The following EFCAB7 variants were observed in gnomAD, a reference collection of about 807,000 sequenced individuals.
EFCAB7 encodes the protein EF-hand calcium binding domain 7.
EFCAB7 carries 66 observed loss-of-function variants against 77.1 expected under a neutral mutation model. The ratio of observed to expected loss-of-function variants is 0.86; its 90% CI spans 0.70 to 1.05. The LOEUF (loss-of-function observed/expected upper bound fraction) is 1.05. EFCAB7 is among the 50% of genes least tolerant of loss of function. The probability of loss-of-function intolerance (pLI) is 0.00; values close to 1 mark genes in which losing one functional copy is unlikely to be tolerated. For missense variants in EFCAB7, 638 were observed against 730.5 expected, an observed-to-expected ratio of 0.87 and a Z score of 1.46; for synonymous variants, 225 against 243.3, an observed-to-expected ratio of 0.92 and a Z score of 0.70.
rs189995497 is a variant in EFCAB7 at position 63,564,765 on chromosome 1, G to A, written c.1497+2908G>A. Among the ~76,000 whole-genome samples, 583 of 152,124 alleles carry A rather than the reference G, an allele frequency of 3.8e-3. 3 individuals are homozygous for A. Among genetic ancestry groups the A allele is most frequent in the African/African-American group, 0.013 (533 of 41,512 alleles). ...GCCCGAATAGCCAAGGCAATCCTAC[G>A]CAAAAAGAACAAAGCTGGAGGCATC... On this transcript the variant is annotated intron_variant, in intron 11 of 13. Transcript: ENST00000371088.
intron 8 of EFCAB7, among the ~76,000 whole-genome samples, chr1:63,553,104 T>A (rs1284507563): frequency 6.6e-6 from 1 of 152,254 alleles, no homozygotes; most frequent in Non-Finnish European, 1.5e-5. Flanking sequence ...GGATTTTTTA[T>A]TTGTATTTAT....
At chr1:63,575,259 ATATT>A (rs1163386620), downstream of EFCAB7, among the ~76,000 whole-genome samples, 4 of 152,036 alleles carry the variant, frequency 2.6e-5, no homozygotes, top group Non-Finnish European at 5.9e-5. Flanking sequence ...TTAAATTACT[ATATT>A]TAGTAATTTT....
intron 6 of EFCAB7, among the ~76,000 whole-genome samples, chr1:63,542,889 T>A (rs1178837868): frequency 6.6e-6 from 1 of 152,202 alleles, no homozygotes. Context: ...TTGCAAATAA[T>A]TTCTCCCATT....
intron 7 of EFCAB7, 75 bp downstream of exon 7, chr1:63,546,132 A>G: frequency 6.8e-7 from 1 of 1,473,274 alleles, no homozygotes. Context: ...TAAGTATTCC[A>G]TAGTCCTAGT....
At chr1:63,524,889 T>C (rs1646556845) in intron 1 of EFCAB7, among the ~76,000 whole-genome samples, 1 of 152,198 alleles carries the variant, frequency 6.6e-6, no homozygotes, top group East Asian at 1.9e-4. Flanking sequence ...AGAGGTGCTA[T>C]ACAAACCCCA....
intron 4 of EFCAB7, 41 bp downstream of exon 4, chr1:63,532,797 G>A: frequency 6.7e-7 from 1 of 1,503,528 alleles, no homozygotes; most frequent in Non-Finnish European, 9.1e-7. Flanking sequence ...ATACTGTGTT[G>A]GAAAAGTGTT....
chr1:63,552,115 G>GA (rs1646973060), intron 8 of EFCAB7, among the ~76,000 whole-genome samples: 1 of 151,996 alleles, frequency 6.6e-6, no homozygotes, highest in Admixed American at 6.6e-5. Context: ...TGCTACTTGG[G>GA]AAACTGAAGC....
chr1:63,575,899 TA>T (rs1332802071), downstream of EFCAB7, among the ~76,000 whole-genome samples: 2 of 152,166 alleles, frequency 1.3e-5, no homozygotes, highest in African/African-American at 2.4e-5. Flanking sequence ...CACCCATTCT[TA>T]TTAGAGAACA....
chr1:63,526,283 A>G (rs1362331169), intron 2 of EFCAB7, among the ~76,000 whole-genome samples: 5 of 152,224 alleles, frequency 3.3e-5, no homozygotes, highest in Middle Eastern at 3.4e-3. Flanking sequence ...TCCTCTCATT[A>G]CAAAGGTCCC....
intron 10 of EFCAB7, among the ~76,000 whole-genome samples, chr1:63,561,347 T>C (rs1369716917): frequency 6.6e-6 from 1 of 152,182 alleles, no homozygotes; most frequent in Non-Finnish European, 1.5e-5. Context: ...CAAATACATA[T>C]GAAGCATTTT....
intron 6 of EFCAB7, among the ~76,000 whole-genome samples, chr1:63,543,576 A>G (rs1646855527): frequency 6.6e-6 from 1 of 152,246 alleles, no homozygotes; most frequent in African/African-American, 2.4e-5. Context: ...TAATTGTGAC[A>G]TAAAATAGAA....
At chr1:63,530,393 G>T (rs576727378) in intron 2 of EFCAB7, among the ~76,000 whole-genome samples, 2 of 152,234 alleles carry the variant, frequency 1.3e-5, no homozygotes, top group South Asian at 4.1e-4. Flanking sequence ...TTAAAATTAT[G>T]TTAATTCCTT....
At chr1:63,554,763 G>A (rs1021035692) in intron 8 of EFCAB7, among the ~76,000 whole-genome samples, 4 of 152,174 alleles carry the variant, frequency 2.6e-5, no homozygotes, top group African/African-American at 9.7e-5. Context: ...TTGGGATTCT[G>A]TGTCTTATTT....
rs1323167487 is a variant in EFCAB7 at position 63,561,746 on chromosome 1, A to G, written c.1386A>G (p.Gln462=). Residue 462 remains glutamine (Q), a synonymous_variant, in exon 11 of 14, where the codon CAA becomes CAG. Coordinates refer to ENST00000371088, the MANE Select transcript of EFCAB7 (RefSeq NM_032437.4). The part of the protein sequence containing the change: ...FDTKRNELTR[Q]GFMDLNLMEA... ...CAAAGAGGAATGAACTAACAAGACA[A>G]GGATTTATGGATTTGAATCTAATGG... The G allele has an allele frequency of 1.2e-6, 2 of 1,608,044 alleles. No homozygotes were observed. The highest frequency in any genetic ancestry group is 8.5e-7 in the Non-Finnish European group (1 of 1,176,614).
chr1:63,575,646 T>C (rs1453402487), downstream of EFCAB7, among the ~76,000 whole-genome samples: 1 of 152,132 alleles, frequency 6.6e-6, no homozygotes, highest in Non-Finnish European at 1.5e-5. Flanking sequence ...ACTGCAGTGG[T>C]GCTCTCAGCT....
chr1:63,577,687 G>A (rs1048455253), downstream of EFCAB7, among the ~76,000 whole-genome samples: 4 of 152,156 alleles, frequency 2.6e-5, no homozygotes, highest in African/African-American at 7.2e-5. Flanking sequence ...ATAAGTAGTA[G>A]GTGTCATCTC....
At chr1:63,546,445 A>G (rs1256496008) in intron 7 of EFCAB7, among the ~76,000 whole-genome samples, 2 of 151,886 alleles carry the variant, frequency 1.3e-5, no homozygotes, top group African/African-American at 2.4e-5. Flanking sequence ...GCTCACTGCA[A>G]CCTCCGCCTC....
At position 63,545,946 on chromosome 1, in the gene EFCAB7, T is replaced by C; in HGVS notation, c.835T>C (p.Phe279Leu). ...GCAACACATGCAATCAAAAGGTTGC[T>C]TCTTCTTAGAAGAAGATGGTGAAAT... ...DWQHMQSKGC[F>L]FLEEDGEIIS... The change falls in exon 7 of 14, where the codon TTC becomes CTC. Residue 279 changes from phenylalanine to leucine, a missense_variant. Coordinates refer to ENST00000371088, the MANE Select transcript of EFCAB7 (RefSeq NM_032437.4). The C allele has an allele frequency of 6.2e-7, 1 of 1,613,780 alleles. No individual in the cohort carries two copies. The highest frequency in any genetic ancestry group is 8.5e-7 in the Non-Finnish European group (1 of 1,179,832).
downstream of EFCAB7, among the ~76,000 whole-genome samples, chr1:63,576,493 C>A (rs577539743): frequency 1.7e-4 from 26 of 150,536 alleles, no homozygotes; most frequent in South Asian, 2.1e-4. Flanking sequence ...ACAACAACAA[C>A]AAAAAAACAA....
Sources: allele counts gnomAD v4.1 joint callset (sites outside exome capture counted in the v4.1 genomes callset), GRCh38; gene constraint gnomAD v4.1.1; transcripts MANE v1.5; gene names NCBI Gene and HGNC (gene_info 2026-07-23, HGNC 2026-07-21).